The following CDH17 variants were observed in gnomAD, a reference collection of about 807,000 sequenced individuals.
The protein encoded by CDH17 is cadherin 17.
Under a neutral mutation model 86.3 loss-of-function variants are expected in CDH17, and 67 were observed. That is an observed-to-expected ratio of 0.78 (90% CI 0.64 to 0.95). CDH17 has a LOEUF of 0.95. Ranked by LOEUF, CDH17 falls within the 40% of genes least tolerant of loss-of-function variation. The probability of loss-of-function intolerance (pLI) is 0.00; values close to 1 mark genes in which losing one functional copy is unlikely to be tolerated. For synonymous variants in CDH17, 367 were observed against 366.4 expected (o/e 1.00, Z -0.02); for missense variants, 993 against 1,017.6 (o/e 0.98, Z 0.33).
intron 5 of CDH17, among the ~76,000 whole-genome samples, chr8:94,176,071 G>C (rs950084874): frequency 1.3e-5 from 2 of 151,998 alleles, no homozygotes; most frequent in Admixed American, 1.3e-4. Flanking sequence ...ATTTTTTGTA[G>C]AGACAGGATC....
intron 1 of CDH17, among the ~76,000 whole-genome samples, chr8:94,197,947 T>C (rs908690395): frequency 2.6e-5 from 4 of 151,872 alleles, no homozygotes; most frequent in Non-Finnish European, 5.9e-5. Context: ...AGGTTAAAAG[T>C]CAAGCAATTT....
Position 94,165,930 on chromosome 8 carries a change from A to G in CDH17, c.1113T>C (p.Asn371=). 1 of 1,613,852 alleles carries G rather than the reference A, an allele frequency of 6.2e-7. No homozygotes were observed. Among genetic ancestry groups the G allele is most frequent in the South Asian group, 1.1e-5 (1 of 91,072 alleles). The part of the protein sequence containing the change: ...TLTAHDRDEE[N]TANSFLNYRI... ...TGTAGTTTAGAAAACTGTTGGCAGT[A>G]TTTTCTTCATCCCTGTCATGTGCAG... The change falls in exon 10 of 18, where the codon AAT becomes AAC. Residue 371 remains asparagine (N), a synonymous_variant. Coordinates refer to ENST00000027335, the MANE Select transcript of CDH17 (RefSeq NM_004063.4).
At chr8:94,193,086 A>G (rs565739548) in intron 2 of CDH17, among the ~76,000 whole-genome samples, 13 of 152,232 alleles carry the variant, frequency 8.5e-5, no homozygotes, top group African/African-American at 2.9e-4. Context: ...TGTGGCTTTC[A>G]CCTGGGTAAG....
At position 94,169,190 on chromosome 8, in the gene CDH17, A is replaced by G. The variant is rs545743742; in HGVS notation, c.1066+1207T>C. 2.0e-5 allele frequency among the ~76,000 whole-genome samples: 3 copies of G among 152,274 alleles called. No homozygotes were observed. The East Asian group carries it at 5.8e-4, about 29-fold the overall frequency. ...TTTATTCAGTGTCACAGACCATCCC[A>G]GATTTCCCAAGAAGGTGATGGCACA... is the stretch of plus-strand genomic sequence containing the variant. On this transcript the variant is annotated intron_variant, in intron 9 of 17. Coordinates refer to ENST00000027335, the MANE Select transcript of CDH17 (RefSeq NM_004063.4).
At chr8:94,208,968 G>A (rs538222037), upstream of CDH17, among the ~76,000 whole-genome samples, 1 of 152,246 alleles carries the variant, frequency 6.6e-6, no homozygotes, top group Admixed American at 6.5e-5. Context: ...CGGAGCAGGG[G>A]CGCCATGTCT....
chr8:94,158,652 G>C (rs1812990084), intron 12 of CDH17, among the ~76,000 whole-genome samples: 1 of 152,124 alleles, frequency 6.6e-6, no homozygotes, highest in African/African-American at 2.4e-5. Context: ...AGACTGCTGT[G>C]AGCACAAGGG....
At chr8:94,183,026 A>T (rs1414395906) in intron 3 of CDH17, among the ~76,000 whole-genome samples, 1 of 152,126 alleles carries the variant, frequency 6.6e-6, no homozygotes, top group African/African-American at 2.4e-5. Context: ...AAAGAATAAC[A>T]TATCTCAGAA....
chr8:94,176,244 G>C (rs1211025068), intron 5 of CDH17, among the ~76,000 whole-genome samples: 2 of 152,124 alleles, frequency 1.3e-5, no homozygotes, highest in Non-Finnish European at 2.9e-5. Flanking sequence ...CCACAACTTG[G>C]CAGGGGGGCA....
chr8:94,165,701 T>C, intron 10 of CDH17, 60 bp downstream of exon 10: 1 of 1,138,508 alleles, frequency 8.8e-7, no homozygotes, highest in Non-Finnish European at 1.3e-6. Flanking sequence ...CGCAGGAAAA[T>C]AACTCATAGC....
chr8:94,177,663 A>C lies in CDH17; in HGVS notation c.209T>G (p.Phe70Cys). 1 of 1,613,814 alleles carries C rather than the reference A, an allele frequency of 6.2e-7. No individual in the cohort carries two copies. Among genetic ancestry groups the C allele is most frequent in the Admixed American group, 1.7e-5 (1 of 59,990 alleles). The change falls in exon 4 of 18, where the codon TTT becomes TGT. Residue 70 changes from phenylalanine (F) to cysteine (C), a missense_variant. Coordinates refer to ENST00000027335, the MANE Select transcript of CDH17 (RefSeq NM_004063.4). ...FELTGETDNI[F>C]VIEREGLLYY... ...CAGAAGTCCCTCCCGTTCTATCACA[A>C]ATATGTTGTCTGTCTCCCCAGTTAG...
chr8:94,154,035 G>C (rs1189785100), intron 12 of CDH17, among the ~76,000 whole-genome samples: 4 of 152,148 alleles, frequency 2.6e-5, no homozygotes, highest in Non-Finnish European at 5.9e-5. Context: ...GATCTTAAGT[G>C]TTTTCATCAC....
At chr8:94,158,754 G>A (rs1283134748) in intron 12 of CDH17, among the ~76,000 whole-genome samples, 2 of 152,196 alleles carry the variant, frequency 1.3e-5, no homozygotes, top group Admixed American at 1.3e-4. Flanking sequence ...CTGAAATGCA[G>A]CAGGGCCCTT....
chr8:94,148,721 G>GTTTTTTTTTTT, intron 14 of CDH17, 23 bp downstream of exon 14: 4 of 1,121,658 alleles, frequency 3.6e-6, no homozygotes, highest in East Asian at 4.2e-5. Context: ...CTTTTTTTTT[G>GTTTTTTTTTTT]TTTTTTTTTT....
chr8:94,142,088 A>G, intron 15 of CDH17, among the ~76,000 whole-genome samples: 1 of 141,382 alleles, frequency 7.1e-6, no homozygotes, highest in Non-Finnish European at 1.5e-5. Context: ...AAGATAATTC[A>G]ATGTAAAAAA....
upstream of CDH17, among the ~76,000 whole-genome samples, chr8:94,210,226 T>TAAAAAAAAAAAA (rs71567010): frequency 9.4e-5 from 5 of 53,458 alleles, no homozygotes; most frequent in African/African-American, 2.1e-4. Context: ...TTTATGCGAG[T>TAAAAAAAAAAAA]AAAAAAAAAA....
chr8:94,162,851 G>A (rs1036634390), intron 10 of CDH17, among the ~76,000 whole-genome samples: 1 of 152,188 alleles, frequency 6.6e-6, no homozygotes, highest in Non-Finnish European at 1.5e-5. Context: ...TGCAGGTGGG[G>A]ACAGGATGCC....
At chr8:94,211,600 A>G (rs890271332), upstream of CDH17, among the ~76,000 whole-genome samples, 1 of 152,262 alleles carries the variant, frequency 6.6e-6, no homozygotes, top group Non-Finnish European at 1.5e-5. Flanking sequence ...GGCATGAGCC[A>G]CTGCTCCTGG....
chr8:94,129,634 T>G (rs747366453), intron 17 of CDH17, among the ~76,000 whole-genome samples: 3 of 152,216 alleles, frequency 2.0e-5, no homozygotes, highest in Non-Finnish European at 4.4e-5. Flanking sequence ...ATGAAGTATC[T>G]ATTCCTAATG....
upstream of CDH17, among the ~76,000 whole-genome samples, chr8:94,209,247 C>T (rs955592200): frequency 1.3e-5 from 2 of 152,160 alleles, no homozygotes; most frequent in East Asian, 3.8e-4. Context: ...AAAGCCAATG[C>T]CCCCAGATTT....
Sources: gnomAD v4.1 joint callset for allele counts (sites outside exome capture counted in the v4.1 genomes callset) on GRCh38, gnomAD v4.1.1 for gene constraint, MANE v1.5 for transcripts, NCBI Gene and HGNC (gene_info 2026-07-23, HGNC 2026-07-21) for gene names.